Variants in ACSS3 observed in about 807,000 individuals in gnomAD.
The protein encoded by ACSS3 is acyl-CoA synthetase short-chain family member 3, mitochondrial.
In ACSS3, 64 loss-of-function variants were observed where a neutral mutation model predicts 84.2. The observed-to-expected ratio is 0.76, with a 90% CI of 0.62 to 0.94. ACSS3 has a LOEUF of 0.94. Ranked by LOEUF, ACSS3 falls within the 40% of genes least tolerant of loss-of-function variation. The probability of loss-of-function intolerance (pLI) is 0.00; values close to 1 mark genes in which losing one functional copy is unlikely to be tolerated. For missense variants in ACSS3, 815 were observed against 867.6 expected, an observed-to-expected ratio of 0.94 and a Z score of 0.76; for synonymous variants, 317 against 310.1, an observed-to-expected ratio of 1.02 and a Z score of -0.23.
At chr12:81,152,587 C>T (rs1397627767) in intron 7 of ACSS3, among the ~76,000 whole-genome samples, 7 of 152,182 alleles carry the variant, frequency 4.6e-5, no homozygotes, top group Admixed American at 6.5e-5. Flanking sequence ...TTTAAAAATT[C>T]GATGAATATA....
intron 7 of ACSS3, among the ~76,000 whole-genome samples, chr12:81,154,438 T>C (rs1217031777): frequency 6.6e-6 from 1 of 152,218 alleles, no homozygotes; most frequent in African/African-American, 2.4e-5. Flanking sequence ...GTGTGAATAA[T>C]TGACTGAAGT....
chr12:81,198,476 G>C (rs1303387333), intron 8 of ACSS3, among the ~76,000 whole-genome samples: 1 of 151,832 alleles, frequency 6.6e-6, no homozygotes, highest in East Asian at 1.9e-4. Flanking sequence ...TCAGTAGACA[G>C]GTTTTTGTTT....
intron 11 of ACSS3, 76 bp downstream of exon 11, chr12:81,220,152 C>A: frequency 1.3e-6 from 1 of 799,454 alleles, no homozygotes; most frequent in Non-Finnish European, 1.9e-6. Flanking sequence ...GGGGTCATTG[C>A]AGTGTTACTG....
chr12:81,084,425 G>A (rs1238088320), intron 1 of ACSS3, among the ~76,000 whole-genome samples: 2 of 152,102 alleles, frequency 1.3e-5, no homozygotes, highest in East Asian at 1.9e-4. Context: ...TTTTGGCAGC[G>A]GGATGCAGGG....
At chr12:81,194,958 A>G (rs1427241563) in intron 8 of ACSS3, among the ~76,000 whole-genome samples, 1 of 151,972 alleles carries the variant, frequency 6.6e-6, no homozygotes, top group African/African-American at 2.4e-5. Flanking sequence ...TTAGTTGACA[A>G]TGTTGTACAT....
rs897336875 is a variant in ACSS3 at position 81,258,208 on chromosome 12, T to C, written c.*3286T>C. On this transcript the variant is annotated 3_prime_UTR_variant, in exon 16 of 16. Transcript: ENST00000548058. ...GTCACCCAAAGAACACATTTCCTGA[T>C]AGTTTAAGTAAATTGTCGAGCCTTA... 7.2e-5 allele frequency: 11 copies of C among 152,166 alleles called. No homozygotes were observed. The highest frequency in any genetic ancestry group is 1.2e-4 in the Non-Finnish European group (8 of 68,012). 9.4% of individuals were successfully genotyped at this position (152,166 alleles called of 1,614,324 possible).
intron 8 of ACSS3, among the ~76,000 whole-genome samples, chr12:81,186,762 A>C (rs951995101): frequency 5.3e-5 from 8 of 151,892 alleles, no homozygotes; most frequent in African/African-American, 1.9e-4. Context: ...GTTCTTGAGA[A>C]TGTAGATTGT....
chr12:81,129,868 A>T (rs979582456), intron 2 of ACSS3, among the ~76,000 whole-genome samples: 1 of 145,918 alleles, frequency 6.9e-6, no homozygotes, highest in Non-Finnish European at 1.5e-5. Flanking sequence ...GAGTGAGAAC[A>T]TGTGGTGTTT....
At chr12:81,195,310 C>T (rs1325061409) in intron 8 of ACSS3, among the ~76,000 whole-genome samples, 1 of 151,674 alleles carries the variant, frequency 6.6e-6, no homozygotes, top group East Asian at 1.9e-4. Flanking sequence ...AACATTATGG[C>T]CTTTATATTT....
At chr12:81,209,531 C>T (rs796544543) in intron 9 of ACSS3, among the ~76,000 whole-genome samples, 1 of 152,016 alleles carries the variant, frequency 6.6e-6, no homozygotes, top group African/African-American at 2.4e-5. Flanking sequence ...ACAACCCGGA[C>T]AGTATTCAGT....
chr12:81,194,643 G>A (rs1473584050), intron 8 of ACSS3, among the ~76,000 whole-genome samples: 1 of 151,922 alleles, frequency 6.6e-6, no homozygotes, highest in African/African-American at 2.4e-5. Flanking sequence ...CCAGCATGAC[G>A]ATTGCTATAA....
chr12:81,134,762 A>C (rs1885696742), intron 2 of ACSS3, 54 bp from the exon 3 acceptor site: 3 of 1,395,968 alleles, frequency 2.1e-6, no homozygotes, highest in Non-Finnish European at 2.8e-6. Context: ...TTAAGTTAGA[A>C]GTTTGGTGAA....
intron 5 of ACSS3, among the ~76,000 whole-genome samples, chr12:81,144,302 C>T (rs139579489): frequency 4.9e-4 from 75 of 151,918 alleles, no homozygotes; most frequent in African/African-American, 1.8e-3. Flanking sequence ...AGTTGGTGCT[C>T]AATAAATTTT....
chr12:81,236,149 GAA>G (rs1252001820), intron 13 of ACSS3, among the ~76,000 whole-genome samples: 4 of 151,136 alleles, frequency 2.6e-5, no homozygotes, highest in Admixed American at 2.6e-4. Flanking sequence ...CTAATTTGCT[GAA>G]GTGTTATTTT....
intron 1 of ACSS3, among the ~76,000 whole-genome samples, chr12:81,082,509 G>T (rs1225926559): frequency 6.6e-6 from 1 of 152,124 alleles, no homozygotes; most frequent in Non-Finnish European, 1.5e-5. Context: ...TCCAGGGAAA[G>T]AAAATAGCAT....
chr12:81,181,747 C>CAAAAAA (rs59878486), intron 8 of ACSS3, among the ~76,000 whole-genome samples: 96 of 47,876 alleles, frequency 2.0e-3, no homozygotes, highest in African/African-American at 3.7e-3. Flanking sequence ...ATCAATTAAG[C>CAAAAAA]AAAAAAAAAA....
In ACSS3 at chr12:81,151,896, C is replaced by T. The variant is rs1886627584; in HGVS notation, c.974C>T (p.Ser325Phe). The change falls in exon 6 of 16, where the codon TCT becomes TTT. Residue 325 changes from serine to phenylalanine, a missense_variant. Physicochemically the swap from Ser to Phe is radical, Grantham distance 155. Coordinates refer to ENST00000548058, the MANE Select transcript of ACSS3 (RefSeq NM_024560.4). ...GCTGTCATGCTACACTGGTCAATGT[C>T]TTCCATATACGGACTTCAACCCGGA... ...GYAVMLHWSM[S>F]SIYGLQPGEV... is the part of the protein sequence containing the mutation. The T allele has an allele frequency of 6.2e-7, 1 of 1,613,788 alleles. No homozygotes were observed. Among genetic ancestry groups the T allele is most frequent in the African/African-American group, 1.3e-5 (1 of 74,912 alleles).
intron 1 of ACSS3, among the ~76,000 whole-genome samples, chr12:81,107,695 G>A (rs7306808): frequency 0.4 from 60,834 of 150,394 alleles, 13,951 homozygotes; most frequent in Non-Finnish European, 0.53. Context: ...AAAAATCTCC[G>A]TAAAATGAAC....
chr12:81,123,566 T>C (rs1378361710), intron 2 of ACSS3, among the ~76,000 whole-genome samples: 4 of 152,100 alleles, frequency 2.6e-5, no homozygotes, highest in African/African-American at 9.7e-5. Flanking sequence ...AGGTTTGTTG[T>C]TCAGATGAGC....
Sources: gnomAD v4.1 joint callset for allele counts (sites outside exome capture counted in the v4.1 genomes callset) on GRCh38, gnomAD v4.1.1 for gene constraint, MANE v1.5 for transcripts, NCBI Gene and HGNC (gene_info 2026-07-23, HGNC 2026-07-21) for gene names.